The following SUGCT variants were observed in gnomAD, a reference collection of about 807,000 sequenced individuals.
The protein encoded by SUGCT is succinyl-CoA:glutarate-CoA transferase.
Under a neutral mutation model 55.0 loss-of-function variants are expected in SUGCT, and 41 were observed. The observed-to-expected ratio is 0.74, with a 90% CI of 0.58 to 0.97. The LOEUF is 0.97. SUGCT is among the 50% of genes least tolerant of loss of function. The probability of loss-of-function intolerance (pLI) is 0.00; values close to 1 mark genes in which losing one functional copy is unlikely to be tolerated. For missense variants in SUGCT, 568 were observed against 547.8 expected (o/e 1.04, Z -0.37); for synonymous variants, 187 against 200.4 (o/e 0.93, Z 0.56).
chr7:40,911,588 T>C, the SUGCT span, among the ~76,000 whole-genome samples: 1 of 147,906 alleles, frequency 6.8e-6, no homozygotes, highest in Non-Finnish European at 1.5e-5. Flanking sequence ...AAAAAAAGTC[T>C]CTCAACTTTG....
At chr7:40,628,382 T>A (rs905276455) in intron 12 of SUGCT, among the ~76,000 whole-genome samples, 2 of 151,526 alleles carry the variant, frequency 1.3e-5, no homozygotes, top group African/African-American at 4.9e-5. Flanking sequence ...ATAACCATAC[T>A]CACAAAACAT....
At chr7:40,223,035 TTCCTTCCA>T (rs1228247819) in intron 6 of SUGCT, among the ~76,000 whole-genome samples, 100 of 144,512 alleles carry the variant, frequency 6.9e-4, no homozygotes, top group Non-Finnish European at 1.2e-3. Context: ...CCTTCCTTCC[TTCCTTCCA>T]TCCATCCACC....
intron 9 of SUGCT, among the ~76,000 whole-genome samples, chr7:40,390,388 A>G (rs1785359481): frequency 1.3e-5 from 2 of 152,204 alleles, no homozygotes; most frequent in Admixed American, 6.5e-5. Flanking sequence ...AGAAAACCCC[A>G]TCGTCTCAGC....
At chr7:40,704,569 G>T (rs931054841) in intron 12 of SUGCT, among the ~76,000 whole-genome samples, 4 of 152,178 alleles carry the variant, frequency 2.6e-5, no homozygotes, top group African/African-American at 9.7e-5. Flanking sequence ...ACCTGACCCA[G>T]CATGAGGGTA....
At chr7:40,749,385 G>T in intron 12 of SUGCT, 49 bp from the exon 13 acceptor site, 1 of 1,491,062 alleles carries the variant, frequency 6.7e-7, no homozygotes. Flanking sequence ...TGCAATTGAA[G>T]ATGGTTTTAT....
chr7:40,352,692 A>G (rs1797695874), intron 9 of SUGCT, among the ~76,000 whole-genome samples: 3 of 152,154 alleles, frequency 2.0e-5, no homozygotes, highest in African/African-American at 7.2e-5. Context: ...ATGGGCATTT[A>G]GGTTGATCCC....
Position 40,621,169 on chromosome 7 carries a change from G to A in SUGCT, c.1089+124783G>A, listed in dbSNP as rs572263257. ...TTGTATATACATATATGTATTATTA[G>A]TATTGTATTTATTATTGTAGCAGGT... On this transcript the variant is annotated intron_variant, in intron 12 of 13. Coordinates refer to ENST00000335693, the MANE Select transcript of SUGCT (RefSeq NM_001193313.2). 7.9e-5 allele frequency among the ~76,000 whole-genome samples: 12 copies of A among 152,156 alleles called. No individual in the cohort carries two copies. In the East Asian group the frequency reaches 2.3e-3, roughly 29 times the overall value.
chr7:40,765,028 T>A (rs1257516146), intron 13 of SUGCT, among the ~76,000 whole-genome samples: 2 of 152,246 alleles, frequency 1.3e-5, no homozygotes, highest in Non-Finnish European at 2.9e-5. Flanking sequence ...CTTATAGCAG[T>A]AGAGTCCCTA....
intron 12 of SUGCT, among the ~76,000 whole-genome samples, chr7:40,570,461 G>A (rs563876270): frequency 4.6e-5 from 7 of 152,298 alleles, no homozygotes; most frequent in Admixed American, 3.3e-4. Flanking sequence ...GAAGAACAGC[G>A]TGGTTAGAGC....
At chr7:40,181,844 A>T (rs936491251) in intron 2 of SUGCT, 111 bp from the exon 3 acceptor site, 11 of 645,104 alleles carry the variant, frequency 1.7e-5, no homozygotes, top group Non-Finnish European at 2.7e-5. Flanking sequence ...AACTGTTTTG[A>T]TTCTTACTAG....
At chr7:40,151,142 A>G (rs1192765955) in intron 1 of SUGCT, among the ~76,000 whole-genome samples, 3 of 152,192 alleles carry the variant, frequency 2.0e-5, no homozygotes, top group Non-Finnish European at 4.4e-5. Context: ...TGGGAGGCTG[A>G]GGCAGGAGAA....
intron 12 of SUGCT, among the ~76,000 whole-genome samples, chr7:40,686,125 G>T (rs1784452182): frequency 6.6e-6 from 1 of 151,950 alleles, no homozygotes; most frequent in South Asian, 2.1e-4. Context: ...GGTACAGTTG[G>T]TTATACTTTT....
intron 9 of SUGCT, among the ~76,000 whole-genome samples, chr7:40,371,385 G>A (rs1784287804): frequency 6.6e-6 from 1 of 152,096 alleles, no homozygotes; most frequent in African/African-American, 2.4e-5. Context: ...GGTAATTGGT[G>A]GTGTCAGGTG....
At chr7:40,940,145 A>G in the SUGCT span, among the ~76,000 whole-genome samples, 3 of 151,870 alleles carry the variant, frequency 2.0e-5, no homozygotes, top group Non-Finnish European at 2.9e-5. Context: ...CCTTTCCCCA[A>G]TTTATGTTTT....
chr7:40,877,914 A>G, the SUGCT span, among the ~76,000 whole-genome samples: 1 of 152,254 alleles, frequency 6.6e-6, no homozygotes, highest in Non-Finnish European at 1.5e-5. Context: ...ACAAAGCTCT[A>G]GAGTTCTACT....
intron 12 of SUGCT, among the ~76,000 whole-genome samples, chr7:40,619,900 T>A (rs561524559): frequency 6.5e-4 from 99 of 152,190 alleles, no homozygotes; most frequent in African/African-American, 2.3e-3. Flanking sequence ...CTACAAAGAG[T>A]TTTCACTTTG....
At chr7:40,598,157 T>A (rs924140588) in intron 12 of SUGCT, among the ~76,000 whole-genome samples, 1 of 152,126 alleles carries the variant, frequency 6.6e-6, no homozygotes, top group Admixed American at 6.6e-5. Context: ...TGCCAAGATA[T>A]CAGCTGTTTA....
intron 12 of SUGCT, among the ~76,000 whole-genome samples, chr7:40,673,737 C>T (rs190575530): frequency 7.2e-4 from 110 of 152,252 alleles, no homozygotes; most frequent in African/African-American, 2.5e-3. Flanking sequence ...GGACTAACTG[C>T]ATTACATTTT....
intron 12 of SUGCT, among the ~76,000 whole-genome samples, chr7:40,623,661 T>C (rs1799378866): frequency 6.6e-6 from 1 of 151,184 alleles, no homozygotes; most frequent in African/African-American, 2.5e-5. Context: ...ACTCAGATAA[T>C]AATCTTAAAC....
Sources: gnomAD v4.1 joint callset for allele counts (sites outside exome capture counted in the v4.1 genomes callset) on GRCh38, gnomAD v4.1.1 for gene constraint, MANE v1.5 for transcripts, NCBI Gene and HGNC (gene_info 2026-07-23, HGNC 2026-07-21) for gene names.